M6PR: variants seen among roughly 807,000 people sequenced by gnomAD.
The protein encoded by M6PR is mannose-6-phosphate receptor, cation dependent.
A neutral mutation model predicts 33.1 loss-of-function variants in M6PR; 19 were observed. The observed-to-expected ratio is 0.57, with a 90% CI of 0.40 to 0.84. The LOEUF (loss-of-function observed/expected upper bound fraction) is 0.84. Ranked by LOEUF, M6PR falls within the 40% of genes least tolerant of loss-of-function variation. M6PR has a pLI of 0.00. For synonymous variants in M6PR, 111 were observed against 123.4 expected (o/e 0.90, Z 0.67); for missense variants, 295 against 336.0 (o/e 0.88, Z 0.95).
intron 1 of M6PR, among the ~76,000 whole-genome samples, chr12:8,947,838 T>G (rs766542220): frequency 4.0e-4 from 58 of 144,410 alleles, no homozygotes; most frequent in African/African-American, 1.5e-3. Flanking sequence ...AACTGTGGGT[T>G]TTTTTTTTTT....
chr12:8,942,597 G>A, intron 5 of M6PR, 55 bp from the exon 6 acceptor site: 1 of 1,580,184 alleles, frequency 6.3e-7, no homozygotes, highest in Non-Finnish European at 8.7e-7. Flanking sequence ...TAAAAACTCA[G>A]ATAGGATAAC....
rs1946030912 is a variant in M6PR at position 8,942,510 on chromosome 12, C to G, written c.617G>C (p.Gly206Ala). 32 of 1,614,136 alleles carry G rather than the reference C, an allele frequency of 2.0e-5. No individual in the cohort carries two copies. The highest frequency in any genetic ancestry group is 2.5e-5 in the Non-Finnish European group (30 of 1,180,016). The change falls in exon 6 of 7, where the codon GGG (glycine) becomes GCG (alanine). Residue 206 changes from glycine (G) to alanine (A), a missense_variant. Transcript: ENST00000000412. ...TACCAGTCGCTGGTATAGGAACCCCCCAACAACATAAACAGCAACCAGTGA... is the reference window on the plus strand; with the variant it reads ...TACCAGTCGCTGGTATAGGAACCCCGCAACAACATAAACAGCAACCAGTGA... ...FASLVAVYVV[G>A]GFLYQRLVVG...
chr12:8,943,955 C>T, intron 3 of M6PR, 45 bp from the exon 4 acceptor site: 1 of 1,300,002 alleles, frequency 7.7e-7, no homozygotes, highest in African/African-American at 1.4e-5. Flanking sequence ...GGGGGAAAAG[C>T]AGAGGCAGAT....
chr12:8,948,450 A>G (rs1258898704), intron 1 of M6PR, among the ~76,000 whole-genome samples: 4 of 152,200 alleles, frequency 2.6e-5, no homozygotes, highest in Admixed American at 6.5e-5. Context: ...TACTGGGGCA[A>G]TTTAGACGAT....
In M6PR at chr12:8,941,609, C is replaced by G. The variant is rs1359652196; in HGVS notation, c.*209G>C. The G allele has an allele frequency of 3.5e-6, 2 of 571,582 alleles. No homozygotes were observed. Among genetic ancestry groups the G allele is most frequent in the Non-Finnish European group, 6.1e-6 (2 of 326,334 alleles). 35.4% of individuals were successfully genotyped at this position (571,582 alleles called of 1,614,324 possible). A position where few individuals can be genotyped will look rare whatever the true frequency, so the allele number is the denominator to read the frequency against. ...GCCCTATTATATTAACTCTGACTTACAACTGTACCTCTCTAGAGAAAAAAC... is the reference window on the plus strand; with the variant it reads ...GCCCTATTATATTAACTCTGACTTAGAACTGTACCTCTCTAGAGAAAAAAC... On this transcript the variant is annotated 3_prime_UTR_variant, in exon 7 of 7. Transcript: ENST00000000412.
intron 1 of M6PR, among the ~76,000 whole-genome samples, chr12:8,948,720 T>C (rs1388459928): frequency 2.6e-5 from 4 of 152,222 alleles, no homozygotes; most frequent in Non-Finnish European, 5.9e-5. Flanking sequence ...GGGTGGCCAA[T>C]GACTAAGCCA....
rs771529017 is a variant in M6PR, at chr12:8,946,401, A to G, written c.4T>C (p.Phe2Leu). ...GTCCTCCAGCAGCTGTAGAAAGGGAACATCCTTTGGGAGAGAGTGTGTGTT... is the reference window on the plus strand; with the variant it reads ...GTCCTCCAGCAGCTGTAGAAAGGGAGCATCCTTTGGGAGAGAGTGTGTGTT... Reference protein sequence around the residue: MFPFYSCWRTGL... With the variant: MLPFYSCWRTGL... The change falls in exon 2 of 7, where the codon TTC becomes CTC. Residue 2 changes from phenylalanine (F) to leucine (L), a missense_variant. Physicochemically the swap from Phe to Leu is conservative, Grantham distance 22. Transcript: ENST00000000412. The G allele has an allele frequency of 1.2e-6, 2 of 1,614,002 alleles. No individual in the cohort carries two copies. The highest frequency in any genetic ancestry group is 3.3e-5 in the Admixed American group (2 of 60,016).
intron 5 of M6PR, among the ~76,000 whole-genome samples, chr12:8,942,846 A>G (rs772978308): frequency 2.9e-4 from 43 of 149,032 alleles, no homozygotes; most frequent in African/African-American, 1.1e-3. Context: ...ATGAAATAAT[A>G]TAAAAATTGC....
At chr12:8,943,326 C>T (rs762037201) in intron 5 of M6PR, 79 bp downstream of exon 5, 2 of 1,521,378 alleles carry the variant, frequency 1.3e-6, no homozygotes, top group Non-Finnish European at 1.8e-6. Context: ...ACAATTTGTG[C>T]TTATGTACCA....
rs1212091461 is a variant in M6PR, at chr12:8,949,195, AT to A, written c.-2+292del. ...ATGCAGGCCAAAATTCCTCCTACAA[AT>A]AAATCCACCAACACCTCCAACGGAC... On this transcript the variant is annotated intron_variant, in intron 1 of 6. Transcript: ENST00000000412. The surrounding 1 kb of genome is among the most constrained non-coding windows in gnomAD (Gnocchi z 5.6). Among the ~76,000 whole-genome samples, 1 of 151,986 alleles carries A rather than the reference AT, an allele frequency of 6.6e-6. No homozygotes were observed. Among genetic ancestry groups the A allele is most frequent in the East Asian group, 1.9e-4 (1 of 5,188 alleles).
At chr12:8,946,676 TAA>T in intron 1 of M6PR, 1 of 305,774 alleles carries the variant, frequency 3.3e-6, no homozygotes, top group Non-Finnish European at 6.0e-6. Context: ...TGAAAGAACT[TAA>T]AAAAGAATGA....
chr12:8,944,229 C>CA (rs1439839984), intron 3 of M6PR, among the ~76,000 whole-genome samples: 1 of 151,966 alleles, frequency 6.6e-6, no homozygotes, highest in East Asian at 1.9e-4. Context: ...CTTCTAAAAG[C>CA]AAAAAAAGAG....
rs757651926 is a variant in M6PR at position 8,946,432 on chromosome 12, G to A, written c.-1-27C>T. 20 of 1,593,338 alleles carry A rather than the reference G, an allele frequency of 1.3e-5. No individual in the cohort carries two copies. The African/African-American group carries it at 2.3e-4, about 18-fold the overall frequency. ...TTTGGGAGAGAGTGTGTGTTGGGGA[G>A]GGCAGGTAGGATCAGGAGAGAGAGG... On this transcript the variant is annotated intron_variant, in intron 1 of 6. Coordinates refer to ENST00000000412, the MANE Select transcript of M6PR (RefSeq NM_002355.4).
chr12:8,946,494 G>A, intron 1 of M6PR, 89 bp from the exon 2 acceptor site: 1 of 1,002,608 alleles, frequency 1.0e-6, no homozygotes, highest in Non-Finnish European at 1.5e-6. Context: ...ATAAATCGAT[G>A]GTATTTTAAT....
chr12:8,947,919 G>T (rs1946122591), intron 1 of M6PR, among the ~76,000 whole-genome samples: 2 of 151,282 alleles, frequency 1.3e-5, no homozygotes, highest in Admixed American at 1.3e-4. Context: ...AAAGAACTCA[G>T]ACCTCCAACT....
At chr12:8,942,001 G>C (rs1034655259) in intron 6 of M6PR, 61 bp from the exon 7 acceptor site, 1 of 1,579,360 alleles carries the variant, frequency 6.3e-7, no homozygotes, top group Non-Finnish European at 8.7e-7. Context: ...ATATGAGAAA[G>C]TGTACTTATG....
intron 5 of M6PR, among the ~76,000 whole-genome samples, chr12:8,942,870 A>AG (rs201969371): frequency 7.7e-6 from 1 of 130,684 alleles, no homozygotes; most frequent in Non-Finnish European, 1.8e-5. Context: ...GTCCTGCAGT[A>AG]GGGGAAAAAA....
intron 6 of M6PR, chr12:8,942,144 ACC>A: frequency 1.5e-6 from 1 of 688,738 alleles, no homozygotes; most frequent in Non-Finnish European, 2.4e-6. Context: ...CCTTCTTCCC[ACC>A]CAGGCCCTCT....
chr12:8,944,335 T>C (rs1223803436), intron 3 of M6PR, among the ~76,000 whole-genome samples: 1 of 152,200 alleles, frequency 6.6e-6, no homozygotes, highest in Non-Finnish European at 1.5e-5. Flanking sequence ...TTGGAATGCA[T>C]ATCTCTTCTT....
Sources: gnomAD v4.1 joint callset for allele counts (sites outside exome capture counted in the v4.1 genomes callset) on GRCh38, gnomAD v4.1.1 for gene constraint, Gnocchi (gnomAD v3.1) non-coding constraint, MANE v1.5 for transcripts, NCBI Gene and HGNC (gene_info 2026-07-23, HGNC 2026-07-21) for gene names.